TOM1L1: variants seen among roughly 807,000 people sequenced by gnomAD.
The protein encoded by TOM1L1 is TOM1-like protein 1.
TOM1L1 carries 64 observed loss-of-function variants against 63.4 expected under a neutral mutation model. The ratio of observed to expected loss-of-function variants is 1.01; its 90% CI spans 0.83 to 1.24. The LOEUF (loss-of-function observed/expected upper bound fraction) is 1.24, where lower values mean the gene tolerates loss of function less well. Ranked by LOEUF, TOM1L1 falls within the 50% of genes most tolerant of loss-of-function variation. The pLI, the probability that TOM1L1 is intolerant of heterozygous loss-of-function variation, is 0.00. For synonymous variants in TOM1L1, 166 were observed against 194.4 expected (o/e 0.85, Z 1.22); for missense variants, 536 against 567.0 (o/e 0.95, Z 0.55).
At chr17:54,929,134 A>G (rs1039916955) in intron 7 of TOM1L1, among the ~76,000 whole-genome samples, 6 of 152,162 alleles carry the variant, frequency 3.9e-5, no homozygotes, top group African/African-American at 1.4e-4. Flanking sequence ...TTAATGTACT[A>G]TTACACAGAC....
At chr17:54,960,085 G>A (rs563830897) in intron 14 of TOM1L1, among the ~76,000 whole-genome samples, 7 of 152,172 alleles carry the variant, frequency 4.6e-5, no homozygotes, top group East Asian at 3.9e-4. Flanking sequence ...CAATAAGGCC[G>A]GGTGTGGTGG....
rs2048817886 is a variant in TOM1L1 at position 54,929,301 on chromosome 17, T to C, written c.721-772T>C. Among the ~76,000 whole-genome samples, 5 of 151,886 alleles carry C rather than the reference T, an allele frequency of 3.3e-5. No individual in the cohort carries two copies. The South Asian group carries it at 8.3e-4, about 25-fold the overall frequency. ...CTTTGGAGTGCTTGTTTTAAAAAAATGTAGATTTTCAGACACCCAGCCTGA... is the reference window on the plus strand; with the variant it reads ...CTTTGGAGTGCTTGTTTTAAAAAAACGTAGATTTTCAGACACCCAGCCTGA... On this transcript the variant is annotated intron_variant, in intron 7 of 15. Transcript: ENST00000575882.
At chr17:54,944,841 A>G (rs184802571) in intron 11 of TOM1L1, among the ~76,000 whole-genome samples, 17 of 151,912 alleles carry the variant, frequency 1.1e-4, no homozygotes, top group East Asian at 1.9e-4. Flanking sequence ...TTTTTATCCA[A>G]TTTTGAACAG....
At chr17:54,901,564 G>A (rs150802162) in intron 1 of TOM1L1, among the ~76,000 whole-genome samples, 63 of 152,252 alleles carry the variant, frequency 4.1e-4, no homozygotes, top group African/African-American at 1.4e-3. Flanking sequence ...TCCTCCGGAT[G>A]TACCTTGCAT....
intron 7 of TOM1L1, among the ~76,000 whole-genome samples, chr17:54,929,424 T>C (rs2048820176): frequency 6.6e-6 from 1 of 152,100 alleles, no homozygotes; most frequent in Non-Finnish European, 1.5e-5. Context: ...TAATGCAGTA[T>C]TTCTAGGTAG....
chr17:54,944,363 T>C (rs9910477), intron 11 of TOM1L1, among the ~76,000 whole-genome samples: 34,373 of 151,480 alleles, frequency 0.23, 4,882 homozygotes, highest in East Asian at 0.48. Flanking sequence ...GGCATGAGAA[T>C]TGACTGAACC....
At chr17:54,952,159 A>G (rs1464870558) in intron 14 of TOM1L1, 1 of 152,176 alleles carries the variant, frequency 6.6e-6, no homozygotes, top group Non-Finnish European at 1.5e-5. Context: ...CAGGGACCAA[A>G]CAACAGTAGT....
intron 3 of TOM1L1, among the ~76,000 whole-genome samples, 167 bp downstream of exon 3, chr17:54,905,734 TAAAG>T (rs1410535109): frequency 2.0e-5 from 3 of 152,330 alleles, no homozygotes; most frequent in East Asian, 3.9e-4. Context: ...AATTGCAGAA[TAAAG>T]AAAGTTTAGT....
chr17:54,905,542 A>G lies in TOM1L1; in HGVS notation c.197A>G (p.His66Arg), dbSNP rs1489436216. 4 of 1,610,424 alleles carry G rather than the reference A, an allele frequency of 2.5e-6. No individual in the cohort carries two copies. The highest frequency in any genetic ancestry group is 1.7e-5 in the Admixed American group (1 of 59,792). ...AAAAGGATTTCCAAAAACTACAATC[A>G]TAAAGAAATCCAACTTACCTTGTCA... is the stretch of plus-strand genomic sequence containing the variant. ...LKKRISKNYNHKEIQLTLSLI... is the reference protein window; with the variant it reads ...LKKRISKNYNRKEIQLTLSLI... Residue 66 changes from histidine to arginine, a missense_variant, in exon 3 of 16, where the codon CAT becomes CGT. Transcript: ENST00000575882.
intron 7 of TOM1L1, among the ~76,000 whole-genome samples, chr17:54,924,158 T>C (rs189720682): frequency 2.6e-4 from 40 of 152,268 alleles, no homozygotes; most frequent in Admixed American, 2.1e-3. Flanking sequence ...ACGTGCTTGC[T>C]AACCTCCTTC....
In TOM1L1 at chr17:54,938,983, A is replaced by G. The variant is rs1215660682; in HGVS notation, c.1093A>G (p.Met365Val). The change falls in exon 11 of 16, where the codon ATG becomes GTG. Residue 365 changes from methionine (M) to valine (V), a missense_variant. Coordinates refer to ENST00000575882, the MANE Select transcript of TOM1L1 (RefSeq NM_005486.3). ...CTTAAAACCCAGTCTTCATCCACAGATGAACTTGCTAGCCTTGGAGAATAC... is the reference window on the plus strand; with the variant it reads ...CTTAAAACCCAGTCTTCATCCACAGGTGAACTTGCTAGCCTTGGAGAATAC... ...NNLKPSLHPQ[M>V]NLLALENTEI... The G allele has an allele frequency of 2.5e-6, 4 of 1,613,096 alleles. No individual in the cohort carries two copies. Among genetic ancestry groups the G allele is most frequent in the East Asian group, 2.2e-5 (1 of 44,840 alleles).
chr17:54,938,358 G>A (rs943431589), intron 10 of TOM1L1, among the ~76,000 whole-genome samples: 1 of 152,106 alleles, frequency 6.6e-6, no homozygotes, highest in African/African-American at 2.4e-5. Context: ...GCCGGGAGTG[G>A]TGGTGGGCGC....
intron 3 of TOM1L1, among the ~76,000 whole-genome samples, chr17:54,912,173 G>T (rs903661096): frequency 2.0e-5 from 3 of 152,136 alleles, no homozygotes; most frequent in Non-Finnish European, 4.4e-5. Flanking sequence ...TTTTCCAAAA[G>T]TCTTGTAAGA....
chr17:54,915,768 T>TG lies in TOM1L1; in HGVS notation c.628dup (p.Asp210GlyfsTer22), dbSNP rs2143786896. On this transcript the variant is annotated frameshift_variant, in exon 7 of 16. Coordinates refer to ENST00000575882, the MANE Select transcript of TOM1L1 (RefSeq NM_005486.3). LOFTEE classifies it high-confidence loss of function. ...CAGATTGGAAAACTGCACAGTGAAT[T>TG]GGATATGGTGAAAATGAATGTGCGA... The TG allele has an allele frequency of 6.2e-7, 1 of 1,610,848 alleles. No homozygotes were observed. Among genetic ancestry groups the TG allele is most frequent in the East Asian group, 2.2e-5 (1 of 44,676 alleles).
intron 12 of TOM1L1, among the ~76,000 whole-genome samples, chr17:54,948,133 C>T (rs540805973): frequency 2.6e-5 from 4 of 152,256 alleles, no homozygotes; most frequent in East Asian, 3.9e-4. Context: ...CCACTTCTCA[C>T]CACCTCCACT....
chr17:54,913,211 G>T (rs2048523804), intron 4 of TOM1L1, among the ~76,000 whole-genome samples: 1 of 152,046 alleles, frequency 6.6e-6, no homozygotes, highest in Non-Finnish European at 1.5e-5. Context: ...TATATCCTAG[G>T]GTTTCTTCAA....
intron 14 of TOM1L1, among the ~76,000 whole-genome samples, chr17:54,951,423 T>C (rs1283703108): frequency 1.3e-5 from 2 of 152,150 alleles, no homozygotes; most frequent in African/African-American, 4.8e-5. Context: ...CCCCAGGGTA[T>C]AGGGCAGGAC....
In TOM1L1 at chr17:54,933,142, T is replaced by C. The variant is rs145384296; in HGVS notation, c.854+2936T>C. ...GCTTATCCTCTGTTTTATCCACTTT[T>C]GGACGCTCCAGAGGAGAATCCATCT... is the stretch of plus-strand genomic sequence containing the variant. On this transcript the variant is annotated intron_variant, in intron 8 of 15. Coordinates refer to ENST00000575882, the MANE Select transcript of TOM1L1 (RefSeq NM_005486.3). Among the ~76,000 whole-genome samples, 585 of 152,356 alleles carry C rather than the reference T, an allele frequency of 3.8e-3. 3 individuals carry two copies. The highest frequency in any genetic ancestry group is 0.02 in the South Asian group (95 of 4,830).
chr17:54,947,170 GGTTTT>G (rs2049133690), intron 11 of TOM1L1, 86 bp from the exon 12 acceptor site: 9 of 1,237,152 alleles, frequency 7.3e-6, no homozygotes, highest in South Asian at 2.4e-5. Flanking sequence ...GTACCTTTTA[GGTTTT>G]GTTTTTAGAC....
Sources: allele counts gnomAD v4.1 joint callset (sites outside exome capture counted in the v4.1 genomes callset), GRCh38; gene constraint gnomAD v4.1.1; transcripts MANE v1.5; gene names NCBI Gene and HGNC (gene_info 2026-07-23, HGNC 2026-07-21).